Variants in RHOT1 observed in about 807,000 individuals in gnomAD.
The protein encoded by RHOT1 is mitochondrial Rho GTPase 1.
RHOT1 carries 27 observed loss-of-function variants against 95.3 expected under a neutral mutation model. That is an observed-to-expected ratio of 0.28 (90% confidence interval 0.21 to 0.39). The LOEUF is 0.39. Ranked by LOEUF, RHOT1 falls within the 10% of genes least tolerant of loss-of-function variation. The pLI is 1.00. For missense variants in RHOT1, 578 were observed against 786.7 expected (o/e 0.73, Z 3.17); for synonymous variants, 227 against 263.5 (o/e 0.86, Z 1.34).
intron 19 of RHOT1, among the ~76,000 whole-genome samples, chr17:32,219,723 GC>G (rs1484503078): frequency 6.6e-6 from 1 of 152,126 alleles, no homozygotes; most frequent in Non-Finnish European, 1.5e-5. Context: ...ACATTAATGG[GC>G]CTTCAGCACT....
chr17:32,220,303 G>A (rs1209636178), intron 19 of RHOT1, among the ~76,000 whole-genome samples: 1 of 152,104 alleles, frequency 6.6e-6, no homozygotes, highest in Non-Finnish European at 1.5e-5. Context: ...TCGAGGCTAC[G>A]GTGAGCTAGG....
intron 19 of RHOT1, 83 bp from the exon 20 acceptor site, chr17:32,224,533 C>T: frequency 3.2e-6 from 3 of 923,640 alleles, no homozygotes; most frequent in South Asian, 3.2e-5. Flanking sequence ...CTAATACTTC[C>T]CTAAAAGTAG....
intron 13 of RHOT1, among the ~76,000 whole-genome samples, chr17:32,200,595 C>T (rs1414941747): frequency 6.6e-6 from 1 of 151,750 alleles, no homozygotes; most frequent in Non-Finnish European, 1.5e-5. Flanking sequence ...CCTGTCTCTA[C>T]TAAAAAATTT....
At chr17:32,196,641 C>T (rs1305531514) in intron 11 of RHOT1, among the ~76,000 whole-genome samples, 1 of 152,184 alleles carries the variant, frequency 6.6e-6, no homozygotes, top group African/African-American at 2.4e-5. Context: ...TTTGTCCATG[C>T]TATTTTCACC....
At chr17:32,171,184 C>A in intron 2 of RHOT1, 83 bp downstream of exon 2, 2 of 969,398 alleles carry the variant, frequency 2.1e-6, no homozygotes, top group Non-Finnish European at 1.6e-6. Context: ...TCTCTTTTGG[C>A]ATGTGTTATG....
intron 17 of RHOT1, chr17:32,207,462 G>T (rs572372988): frequency 6.4e-6 from 1 of 156,810 alleles, no homozygotes; most frequent in African/African-American, 2.4e-5. Flanking sequence ...TTCAATAGGA[G>T]TAAAAAGCTA....
At position 32,150,998 on chromosome 17, in the gene RHOT1, C is replaced by G. The variant is rs1246301867; in HGVS notation, c.37+8269C>G. The stretch of plus-strand genomic sequence containing the variant: ...CTGCTGCTGCTTCAATTTGAATCGC[C>G]GGTTCCTAAACCAAACCTGGGAGTG... On this transcript the variant is annotated intron_variant, in intron 1 of 19. Coordinates refer to ENST00000545287, the MANE Select transcript of RHOT1 (RefSeq NM_001033566.3). The G allele has an allele frequency of 2.3e-5, 36 of 1,534,862 alleles. 1 individual carries two copies. The East Asian group carries it at 7.9e-4, about 34-fold the overall frequency.
intron 2 of RHOT1, among the ~76,000 whole-genome samples, chr17:32,171,925 A>T (rs904309037): frequency 6.6e-6 from 1 of 152,208 alleles, no homozygotes; most frequent in Non-Finnish European, 1.5e-5. Flanking sequence ...TGGTTTTATT[A>T]TTACTGGCAA....
Position 32,170,517 on chromosome 17 carries a change from G to A in RHOT1, c.38-526G>A, listed in dbSNP as rs558754514. On this transcript the variant is annotated intron_variant, in intron 1 of 19. Coordinates refer to ENST00000545287, the MANE Select transcript of RHOT1 (RefSeq NM_001033566.3). Reference sequence around the variant, plus strand: ...CATGTAACAATTATTTTAACTGTAAGTATACAATTCAGCAGCATTAAATTT... The same window carrying A: ...CATGTAACAATTATTTTAACTGTAAATATACAATTCAGCAGCATTAAATTT... Among the ~76,000 whole-genome samples the A allele has an allele frequency of 4.6e-5, 7 of 152,290 alleles. No homozygotes were observed. The East Asian group carries it at 7.7e-4, about 17-fold the overall frequency.
intron 19 of RHOT1, among the ~76,000 whole-genome samples, chr17:32,218,505 T>TG (rs1350701047): frequency 7.4e-6 from 1 of 134,230 alleles, no homozygotes; most frequent in Non-Finnish European, 1.5e-5. Flanking sequence ...AGATCCTGTC[T>TG]GAAAAAAAAA....
At chr17:32,213,033 A>G (rs1196651754) in intron 19 of RHOT1, among the ~76,000 whole-genome samples, 3 of 152,184 alleles carry the variant, frequency 2.0e-5, no homozygotes, top group Non-Finnish European at 4.4e-5. Flanking sequence ...TTAGGACAGC[A>G]TCTGTCTAGG....
Position 32,184,478 on chromosome 17 carries a change from TTTTTTTA to T in RHOT1, c.540+1220_540+1226del, listed in dbSNP as rs1317126755. ...AAACCATGTTTTTGGTGGGTTTTAT[TTTTTTTA>T]TTTTTTATTTTTTTTTATTTTTTGA... On this transcript the variant is annotated intron_variant, in intron 8 of 19. Coordinates refer to ENST00000545287, the MANE Select transcript of RHOT1 (RefSeq NM_001033566.3). 5.9e-5 allele frequency among the ~76,000 whole-genome samples: 9 copies of T among 152,118 alleles called. No homozygotes were observed. In the East Asian group the frequency reaches 1.7e-3, roughly 29 times the overall value.
chr17:32,202,952 AGTTTACATAAT>A lies in RHOT1; in HGVS notation c.1332+57_1332+67del, dbSNP rs773942893. The A allele has an allele frequency of 1.5e-5, 23 of 1,564,842 alleles. No homozygotes were observed. In the Admixed American group the frequency reaches 4.1e-4, roughly 28 times the overall value. On this transcript the variant is annotated intron_variant, in intron 15 of 19. Coordinates refer to ENST00000545287, the MANE Select transcript of RHOT1 (RefSeq NM_001033566.3). ...TATCCAACAAATTTTTATAGTTACT[AGTTTACATAAT>A]GTTTTCATAGCCATTGACCTTTTTA...
chr17:32,222,831 G>A (rs890313273), intron 19 of RHOT1: 3 of 985,304 alleles, frequency 3.0e-6, no homozygotes, highest in Non-Finnish European at 3.6e-6. Context: ...CTCACCAGGT[G>A]CATGCTGTCA....
At chr17:32,149,337 T>A (rs1188225562) in intron 1 of RHOT1, among the ~76,000 whole-genome samples, 1 of 151,228 alleles carries the variant, frequency 6.6e-6, no homozygotes, top group Non-Finnish European at 1.5e-5. Flanking sequence ...TAGTGTAATT[T>A]AAGAAGAGCT....
At chr17:32,187,668 A>G (rs1416569594) in intron 8 of RHOT1, among the ~76,000 whole-genome samples, 1 of 151,946 alleles carries the variant, frequency 6.6e-6, no homozygotes, top group East Asian at 1.9e-4. Flanking sequence ...CACTGGGTTC[A>G]GGTGATTCTC....
intron 11 of RHOT1, among the ~76,000 whole-genome samples, chr17:32,195,334 G>C (rs1030403143): frequency 5.3e-5 from 8 of 151,632 alleles, no homozygotes; most frequent in African/African-American, 1.9e-4. Flanking sequence ...GGCTGATCTT[G>C]AACTCCTGGC....
chr17:32,147,912 A>G (rs2031625895), intron 1 of RHOT1, among the ~76,000 whole-genome samples: 1 of 141,152 alleles, frequency 7.1e-6, no homozygotes, highest in Non-Finnish European at 1.5e-5. Flanking sequence ...TCAAACACCC[A>G]TTGAGGTGAA....
At chr17:32,185,075 A>G (rs1053578668) in intron 8 of RHOT1, among the ~76,000 whole-genome samples, 2 of 151,812 alleles carry the variant, frequency 1.3e-5, no homozygotes, top group Non-Finnish European at 2.9e-5. Flanking sequence ...ACATACCACC[A>G]TGCCTGGCTA....
Sources: gnomAD v4.1 joint callset for allele counts (sites outside exome capture counted in the v4.1 genomes callset) on GRCh38, gnomAD v4.1.1 for gene constraint, MANE v1.5 for transcripts, NCBI Gene and HGNC (gene_info 2026-07-23, HGNC 2026-07-21) for gene names.